Variants in BBS9 observed in about 807,000 individuals in gnomAD.
BBS9 encodes Bardet-Biedl syndrome 9, also known as protein PTHB1.
A neutral mutation model predicts 117.7 loss-of-function variants in BBS9; 89 were observed. The observed-to-expected ratio is 0.76, with a 90% CI of 0.64 to 0.90. The LOEUF (loss-of-function observed/expected upper bound fraction) is 0.90. Among genes scored for constraint, BBS9 ranks in the 40% least tolerant of loss-of-function variants. The pLI is 0.00. For synonymous variants in BBS9, 379 were observed against 370.9 expected (o/e 1.02, Z -0.25); for missense variants, 982 against 1,042.2 (o/e 0.94, Z 0.80).
chr7:33,519,192 T>C (rs1848245251), intron 20 of BBS9, among the ~76,000 whole-genome samples: 1 of 152,184 alleles, frequency 6.6e-6, no homozygotes, highest in African/African-American at 2.4e-5. Context: ...CCTTGTTCTT[T>C]GAGATTATTA....
intron 19 of BBS9, among the ~76,000 whole-genome samples, chr7:33,478,487 C>T (rs968677273): frequency 6.6e-5 from 10 of 152,068 alleles, no homozygotes. Flanking sequence ...CTGTTAGTGG[C>T]TGATGTAAGG....
chr7:33,472,312 G>C (rs1450747778), intron 19 of BBS9, among the ~76,000 whole-genome samples: 1 of 152,228 alleles, frequency 6.6e-6, no homozygotes, highest in Non-Finnish European at 1.5e-5. Context: ...CCTAGACCTT[G>C]ATCATGGAGG....
At chr7:33,192,685 A>G (rs1784321892) in intron 5 of BBS9, among the ~76,000 whole-genome samples, 1 of 152,192 alleles carries the variant, frequency 6.6e-6, no homozygotes, top group Non-Finnish European at 1.5e-5. Context: ...AGACTGGGTA[A>G]TTTATAAAGA....
intron 21 of BBS9, among the ~76,000 whole-genome samples, chr7:33,595,379 TACAG>T (rs1563421096): frequency 6.6e-6 from 1 of 152,026 alleles, no homozygotes; most frequent in Non-Finnish European, 1.5e-5. Flanking sequence ...GGGCAAAGGA[TACAG>T]ACAGACACTT....
intron 5 of BBS9, among the ~76,000 whole-genome samples, chr7:33,255,330 T>G (rs1430946701): frequency 1.4e-5 from 2 of 146,978 alleles, no homozygotes; most frequent in African/African-American, 5.1e-5. Context: ...TTTGGTTGTA[T>G]AGTGTAAGAT....
At chr7:33,368,333 G>A (rs991068085) in intron 17 of BBS9, among the ~76,000 whole-genome samples, 2 of 152,108 alleles carry the variant, frequency 1.3e-5, no homozygotes, top group African/African-American at 4.8e-5. Context: ...TTTGCTGAGT[G>A]TAATTTCAGT....
intron 19 of BBS9, among the ~76,000 whole-genome samples, chr7:33,436,282 T>C (rs1221293370): frequency 6.6e-6 from 1 of 152,192 alleles, no homozygotes; most frequent in Non-Finnish European, 1.5e-5. Context: ...TGATGTGAAC[T>C]TAGATCATGT....
intron 19 of BBS9, among the ~76,000 whole-genome samples, chr7:33,412,925 T>G (rs1831390187): frequency 6.6e-6 from 1 of 152,220 alleles, no homozygotes; most frequent in Admixed American, 6.5e-5. Flanking sequence ...CCTTTTATTC[T>G]TAAAATAAAA....
At chr7:33,144,274 C>T (rs1215960702) in intron 1 of BBS9, among the ~76,000 whole-genome samples, 1 of 152,152 alleles carries the variant, frequency 6.6e-6, no homozygotes, top group African/African-American at 2.4e-5. Context: ...ACCTTGGTTT[C>T]TATGATTAGC....
intron 9 of BBS9, among the ~76,000 whole-genome samples, chr7:33,333,912 T>TA (rs1369165998): frequency 5.9e-5 from 9 of 151,826 alleles, no homozygotes; most frequent in African/African-American, 1.9e-4. Flanking sequence ...ATCCCCAGCC[T>TA]ATAATGTCTT....
At position 33,390,154 on chromosome 7, in the gene BBS9, GGTCTACC is replaced by G. The variant is rs145378821; in HGVS notation, c.2115+2014_2115+2020del. On this transcript the variant is annotated intron_variant, in intron 19 of 22. Coordinates refer to ENST00000242067, the MANE Select transcript of BBS9 (RefSeq NM_198428.3). ...TGTTCACTTTTCTTTCTCATTCTGG[GGTCTACC>G]GTCATCCCTGCCTGCCATACTTGAG... 195 of 565,470 alleles carry G rather than the reference GGTCTACC, an allele frequency of 3.4e-4. 2 individuals carry two copies. The East Asian group carries it at 0.018, about 53-fold the overall frequency. The allele number at this position is 565,470 out of a possible 1,614,324, so 35.0% of individuals were successfully genotyped here.
At chr7:33,232,209 AT>A (rs773151096) in intron 5 of BBS9, among the ~76,000 whole-genome samples, 6 of 152,126 alleles carry the variant, frequency 3.9e-5, no homozygotes, top group Non-Finnish European at 7.4e-5. Context: ...AGCAATACCA[AT>A]CTTTCTGATT....
At chr7:33,416,726 G>A (rs564995348) in intron 19 of BBS9, among the ~76,000 whole-genome samples, 3 of 152,258 alleles carry the variant, frequency 2.0e-5, no homozygotes, top group East Asian at 3.9e-4. Flanking sequence ...GGTTTTCCAC[G>A]TTATTCCAAA....
At chr7:33,374,276 C>T (rs569691481) in intron 17 of BBS9, among the ~76,000 whole-genome samples, 34 of 152,048 alleles carry the variant, frequency 2.2e-4, no homozygotes, top group Non-Finnish European at 3.4e-4. Context: ...CATGAGGTTT[C>T]AAAGGATTAG....
At chr7:33,605,156 C>G (rs1563439570) in intron 22 of BBS9, 39 bp from the exon 23 acceptor site, 1 of 1,586,262 alleles carries the variant, frequency 6.3e-7, no homozygotes. Flanking sequence ...CTATTCAGAT[C>G]TTTTCTCTCT....
intron 19 of BBS9, among the ~76,000 whole-genome samples, chr7:33,491,400 A>G (rs550427490): frequency 1.3e-5 from 2 of 152,342 alleles, no homozygotes; most frequent in South Asian, 4.1e-4. Context: ...AAAGGGCATT[A>G]TGGAATTAAG....
chr7:33,606,578 C>A (rs1864582085), downstream of BBS9, among the ~76,000 whole-genome samples: 1 of 152,188 alleles, frequency 6.6e-6, no homozygotes, highest in Non-Finnish European at 1.5e-5. Flanking sequence ...GGAATAACCA[C>A]TTTCCCCAGT....
chr7:33,394,873 G>A (rs1030487189), intron 19 of BBS9, among the ~76,000 whole-genome samples: 2 of 152,120 alleles, frequency 1.3e-5, no homozygotes, highest in Non-Finnish European at 2.9e-5. Flanking sequence ...ATGTGAGGGT[G>A]GCATTATTGT....
At chr7:33,341,022 TG>T in intron 11 of BBS9, 49 bp downstream of exon 11, 1 of 1,521,266 alleles carries the variant, frequency 6.6e-7, no homozygotes, top group Non-Finnish European at 9.1e-7. Flanking sequence ...TGGTAAACTC[TG>T]ATGAATTAGG....
Sources: allele counts gnomAD v4.1 joint callset (sites outside exome capture counted in the v4.1 genomes callset), GRCh38; gene constraint gnomAD v4.1.1; transcripts MANE v1.5; gene names NCBI Gene and HGNC (gene_info 2026-07-23, HGNC 2026-07-21).